The following HIBADH variants were observed in gnomAD, a reference collection of about 807,000 sequenced individuals.
The protein encoded by HIBADH is 3-hydroxyisobutyrate dehydrogenase, mitochondrial.
A neutral mutation model predicts 36.1 loss-of-function variants in HIBADH; 25 were observed. That is an observed-to-expected ratio of 0.69 (90% CI 0.50 to 0.97). The LOEUF is 0.97. HIBADH is among the 50% of genes least tolerant of loss of function. HIBADH has a pLI of 0.00. For synonymous variants in HIBADH, 160 were observed against 149.5 expected (o/e 1.07, Z -0.51); for missense variants, 421 against 418.0 (o/e 1.01, Z -0.06).
intron 4 of HIBADH, among the ~76,000 whole-genome samples, chr7:27,605,049 CTTTA>C (rs1214338092): frequency 6.6e-6 from 1 of 151,954 alleles, no homozygotes; most frequent in Non-Finnish European, 1.5e-5. Context: ...ATACACTGAG[CTTTA>C]TTTATTCTGA....
chr7:27,543,709 TATTTG>T lies in HIBADH; in HGVS notation c.485-614_485-610del, dbSNP rs374235123. 4.4e-4 allele frequency among the ~76,000 whole-genome samples: 67 copies of T among 152,332 alleles called. 1 individual carries two copies. The South Asian group carries it at 0.011, about 26-fold the overall frequency. On this transcript the variant is annotated intron_variant, in intron 4 of 7. Transcript: ENST00000265395. ...TATTCTCATATGTACTTTTCAATAT[TATTTG>T]ATTTTTCTTTTCCTTCCTGCTATAC... is the stretch of plus-strand genomic sequence containing the variant.
intron 2 of HIBADH, among the ~76,000 whole-genome samples, chr7:27,640,864 A>T (rs1785948580): frequency 6.6e-6 from 1 of 152,204 alleles, no homozygotes; most frequent in Admixed American, 6.5e-5. Context: ...ATACATACAA[A>T]AGGTACAGTA....
intron 4 of HIBADH, among the ~76,000 whole-genome samples, chr7:27,622,652 A>G (rs759125650): frequency 3.3e-5 from 5 of 152,200 alleles, no homozygotes; most frequent in Non-Finnish European, 7.3e-5. Flanking sequence ...ATGAACTACT[A>G]TACGCTTAAA....
chr7:27,539,778 T>A (rs1457205292), intron 5 of HIBADH, among the ~76,000 whole-genome samples: 5 of 151,956 alleles, frequency 3.3e-5, no homozygotes, highest in African/African-American at 9.7e-5. Context: ...GGAAGCCTCG[T>A]CAATAACATA....
chr7:27,622,097 TAGAC>T (rs1290217765), intron 4 of HIBADH, among the ~76,000 whole-genome samples: 2 of 151,784 alleles, frequency 1.3e-5, no homozygotes, highest in Non-Finnish European at 2.9e-5. Context: ...CTACAAAAAT[TAGAC>T]AGGTGTGGTG....
chr7:27,620,508 A>T (rs1785519920), intron 4 of HIBADH, among the ~76,000 whole-genome samples: 1 of 151,990 alleles, frequency 6.6e-6, no homozygotes, highest in Non-Finnish European at 1.5e-5. Flanking sequence ...ACCAAAACAA[A>T]ACAAAAAAAA....
At chr7:27,626,788 C>T (rs6974387) in intron 4 of HIBADH, among the ~76,000 whole-genome samples, 108,675 of 152,010 alleles carry the variant, frequency 0.71, 38,969 homozygotes, top group East Asian at 0.94. Flanking sequence ...TCTATTTGTA[C>T]GTACCTATAT....
intron 1 of HIBADH, among the ~76,000 whole-genome samples, chr7:27,651,643 T>G (rs1786197840): frequency 6.6e-6 from 1 of 152,176 alleles, no homozygotes; most frequent in Admixed American, 6.5e-5. Flanking sequence ...TAACAGGCAA[T>G]TCACTCTAGG....
chr7:27,560,805 T>G (rs1020109852), intron 4 of HIBADH, among the ~76,000 whole-genome samples: 5 of 152,230 alleles, frequency 3.3e-5, no homozygotes, highest in African/African-American at 1.2e-4. Flanking sequence ...CTTTCAATTC[T>G]TTGGGCATAT....
At chr7:27,561,580 A>G (rs947048433) in intron 4 of HIBADH, among the ~76,000 whole-genome samples, 3 of 152,128 alleles carry the variant, frequency 2.0e-5, no homozygotes, top group Non-Finnish European at 4.4e-5. Flanking sequence ...GTGTCTTGAG[A>G]AATACATTTC....
chr7:27,643,008 T>C (rs1445264942), intron 2 of HIBADH, among the ~76,000 whole-genome samples: 1 of 152,208 alleles, frequency 6.6e-6, no homozygotes, highest in Non-Finnish European at 1.5e-5. Context: ...ATGTAACACA[T>C]ATTTTACTAA....
rs532939339 is a variant in HIBADH at position 27,662,809 on chromosome 7, C to T, written c.-21G>A. ...GCCATGCTGCGCCCGCCCCTCTCCC[C>T]GCGGTGACCTCCGCCGCCTCCCGGA... is the stretch of plus-strand genomic sequence containing the variant. On this transcript the variant is annotated 5_prime_UTR_variant, in exon 1 of 8. Coordinates refer to ENST00000265395, the MANE Select transcript of HIBADH (RefSeq NM_152740.4). The T allele has an allele frequency of 9.7e-5, 142 of 1,463,896 alleles. No homozygotes were observed. Among genetic ancestry groups the T allele is most frequent in the Admixed American group, 3.3e-4 (13 of 39,256 alleles). The allele number at this position is 1,463,896 out of a possible 1,614,324, so 90.7% of individuals were successfully genotyped here. A position where few individuals can be genotyped will look rare whatever the true frequency, so the allele number is the denominator to read the frequency against.
chr7:27,626,056 T>G (rs1204316520), intron 4 of HIBADH, among the ~76,000 whole-genome samples: 1 of 126,038 alleles, frequency 7.9e-6, no homozygotes. Context: ...TGAGCCAAGA[T>G]TGCACCACTG....
At chr7:27,642,650 T>C (rs1261581713) in intron 2 of HIBADH, among the ~76,000 whole-genome samples, 1 of 53,154 alleles carries the variant, frequency 1.9e-5, no homozygotes, top group East Asian at 2.6e-4. Context: ...TAGTTTTTTT[T>C]TTTTTTTTTT....
At chr7:27,644,019 G>A (rs1283117574) in intron 2 of HIBADH, among the ~76,000 whole-genome samples, 3 of 152,186 alleles carry the variant, frequency 2.0e-5, no homozygotes, top group Admixed American at 2.0e-4. Context: ...ACATTCACAG[G>A]TACTAGGAGT....
chr7:27,544,109 T>C (rs781291172), intron 4 of HIBADH, among the ~76,000 whole-genome samples: 4 of 152,186 alleles, frequency 2.6e-5, no homozygotes, highest in Admixed American at 1.3e-4. Context: ...GAAACTGTAA[T>C]TGTCTGTAGT....
In HIBADH at chr7:27,649,554, A is replaced by G. The variant is rs774507604; in HGVS notation, c.171T>C (p.Asn57=). ...TAAGTGGATAGCCATGTTTCATGAG[A>G]TTTTTTGCCATTGGATTCCCCATGT... The part of the protein sequence containing the change: ...LGNMGNPMAK[N]LMKHGYPLII... The change falls in exon 2 of 8, where the codon AAT becomes AAC. Residue 57 remains asparagine, a synonymous_variant. Coordinates refer to ENST00000265395, the MANE Select transcript of HIBADH (RefSeq NM_152740.4). 1 of 1,613,916 alleles carries G rather than the reference A, an allele frequency of 6.2e-7. No individual in the cohort carries two copies. The highest frequency in any genetic ancestry group is 8.5e-7 in the Non-Finnish European group (1 of 1,179,882).
At chr7:27,635,053 A>T (rs140719691) in intron 2 of HIBADH, among the ~76,000 whole-genome samples, 1 of 150,218 alleles carries the variant, frequency 6.7e-6, no homozygotes, top group Non-Finnish European at 1.5e-5. Flanking sequence ...ACCTAATAAC[A>T]CACACTCTCT....
chr7:27,607,814 T>C (rs115183865), intron 4 of HIBADH, among the ~76,000 whole-genome samples: 5,196 of 152,254 alleles, frequency 0.034, 117 homozygotes, highest in South Asian at 0.093. Context: ...AGAAAAATAC[T>C]TTTCTTCCCG....
Sources: allele counts gnomAD v4.1 joint callset (sites outside exome capture counted in the v4.1 genomes callset), GRCh38; gene constraint gnomAD v4.1.1; transcripts MANE v1.5; gene names NCBI Gene and HGNC (gene_info 2026-07-23, HGNC 2026-07-21).